The following LINS1 variants were observed in gnomAD, a reference collection of about 807,000 sequenced individuals.
The protein encoded by LINS1 is protein Lines homolog 1.
LINS1 carries 27 observed loss-of-function variants against 41.6 expected under a neutral mutation model. That is an observed-to-expected ratio of 0.65 (90% CI 0.48 to 0.89). LINS1 has a LOEUF of 0.89. Among genes scored for constraint, LINS1 ranks in the 40% least tolerant of loss-of-function variants. LINS1 has a pLI of 0.00. For missense variants in LINS1, 955 were observed against 884.1 expected (o/e 1.08, Z -1.02); for synonymous variants, 336 against 312.9 (o/e 1.07, Z -0.78).
At chr15:100,600,831 T>C (rs141285520) in intron 1 of LINS1, among the ~76,000 whole-genome samples, 1 of 152,140 alleles carries the variant, frequency 6.6e-6, no homozygotes, top group Non-Finnish European at 1.5e-5. Flanking sequence ...AGTGGTTGTA[T>C]CCAGGCCCAC....
Position 100,580,140 on chromosome 15 carries a change from G to A in LINS1, c.489+123C>T. The A allele has an allele frequency of 6.5e-6, 5 of 763,472 alleles. No individual in the cohort carries two copies. In the Admixed American group the frequency reaches 9.3e-5, roughly 14 times the overall value. 47.3% of individuals were successfully genotyped at this position (763,472 alleles called of 1,614,324 possible). On this transcript the variant is annotated intron_variant, in intron 3 of 6. Transcript: ENST00000314742. ...TTTGGGAGGCTGAGGCAGGAGGATT[G>A]CTTGAGCCCAGAAGTTTGAGATCAG...
intron 1 of LINS1, among the ~76,000 whole-genome samples, chr15:100,588,401 A>T (rs2038901563): frequency 1.3e-5 from 2 of 152,352 alleles, no homozygotes; most frequent in Admixed American, 6.5e-5. Context: ...AAGAGTTTTA[A>T]TTAACTGGTT....
Position 100,573,932 on chromosome 15 carries a change from T to A in LINS1, c.941A>T (p.Asp314Val). Reference sequence around the variant, plus strand: ...GGCAGGCACAGATCCACGACAGAGGTCTTCACCCACTTTACAGAGAAGGCA... The same window carrying A: ...GGCAGGCACAGATCCACGACAGAGGACTTCACCCACTTTACAGAGAAGGCA... ...KKCLLCKVGE[D>V]LCRGSVPALM... The change falls in exon 5 of 7, where the codon GAC (aspartate) becomes GTC (valine). Residue 314 changes from aspartate to valine, a missense_variant. By Grantham distance (152) the Asp-to-Val change is radical. Coordinates refer to ENST00000314742, the MANE Select transcript of LINS1 (RefSeq NM_001040616.3). 1 of 1,614,158 alleles carries A rather than the reference T, an allele frequency of 6.2e-7. No individual in the cohort carries two copies. Among genetic ancestry groups the A allele is most frequent in the South Asian group, 1.1e-5 (1 of 91,086 alleles).
intron 1 of LINS1, among the ~76,000 whole-genome samples, chr15:100,585,690 G>A (rs1056256128): frequency 5.3e-5 from 8 of 152,122 alleles, no homozygotes; most frequent in Admixed American, 3.9e-4. Flanking sequence ...ATGTCTAGAC[G>A]TGTTTATTTG....
At position 100,580,369 on chromosome 15, in the gene LINS1, ATAAT is replaced by A; in HGVS notation, c.400-21_400-18del. 6.2e-7 allele frequency: 1 copy of A among 1,607,158 alleles called. No homozygotes were observed. Among genetic ancestry groups the A allele is most frequent in the South Asian group, 1.1e-5 (1 of 90,888 alleles). ...CATGCAGATCTACAGGAAAACAAAT[ATAAT>A]TAACCACTATTGCTGAATGTTCTTA... On this transcript the variant is annotated intron_variant, in intron 2 of 6. Transcript: ENST00000314742.
intron 1 of LINS1, among the ~76,000 whole-genome samples, chr15:100,583,530 T>C (rs139558272): frequency 6.6e-6 from 1 of 152,380 alleles, no homozygotes; most frequent in Non-Finnish European, 1.5e-5. Context: ...TTGGTAATGT[T>C]GTTCTATCTG....
At chr15:100,573,492 GTTC>G (rs1251584750) in intron 5 of LINS1, 156 bp downstream of exon 5, 19 of 765,376 alleles carry the variant, frequency 2.5e-5, no homozygotes, top group Non-Finnish European at 3.3e-5. Flanking sequence ...GGTAAATCCA[GTTC>G]TTTTTTTTTT....
chr15:100,577,698 A>G (rs922085257), intron 3 of LINS1, among the ~76,000 whole-genome samples: 1 of 152,220 alleles, frequency 6.6e-6, no homozygotes, highest in African/African-American at 2.4e-5. Context: ...GGAACCAAAA[A>G]AGAGCCTGCA....
rs768006727 is a variant in LINS1 at position 100,575,129 on chromosome 15, C to T, written c.490-1G>A. On this transcript the variant is annotated splice_acceptor_variant, in intron 3 of 6. Coordinates refer to ENST00000314742, the MANE Select transcript of LINS1 (RefSeq NM_001040616.3). LOFTEE classifies it high-confidence loss of function. The stretch of plus-strand genomic sequence containing the variant: ...CAATCCAGGAATTACTTAAGGTTAT[C>T]TACAAGTGAGAAAATAAAGCAAGCA... The T allele has an allele frequency of 1.2e-6, 2 of 1,609,592 alleles. No individual in the cohort carries two copies. Among genetic ancestry groups the T allele is most frequent in the Non-Finnish European group, 1.7e-6 (2 of 1,178,260 alleles).
Position 100,580,644 on chromosome 15 carries a change from C to T in LINS1, c.199G>A (p.Ala67Thr), listed in dbSNP as rs2038489276. ...GRHQPISVGV[A>T]PIAVAPVCLK... The stretch of plus-strand genomic sequence containing the variant: ...CACACAGGTGCTACAGCAATGGGAG[C>T]CACACCAACAGAGATGGGCTGATGC... Residue 67 changes from alanine (A) to threonine (T), a missense_variant, in exon 2 of 7, where the codon GCT becomes ACT. Physicochemically the swap from Ala to Thr is moderately conservative, Grantham distance 58 (BLOSUM62 0). Transcript: ENST00000314742. 1 of 1,613,816 alleles carries T rather than the reference C, an allele frequency of 6.2e-7. No individual in the cohort carries two copies. Among genetic ancestry groups the T allele is most frequent in the African/African-American group, 1.3e-5 (1 of 74,910 alleles).
At chr15:100,576,514 T>G (rs8037329) in intron 3 of LINS1, 147,253 of 152,284 alleles carry the variant, frequency 0.97, 71,521 homozygotes, top group Non-Finnish European at 1. Flanking sequence ...AATAGGCTCT[T>G]AAATTGAGGC....
At chr15:100,590,601 A>G (rs1213173447) in intron 1 of LINS1, among the ~76,000 whole-genome samples, 1 of 152,262 alleles carries the variant, frequency 6.6e-6, no homozygotes, top group East Asian at 1.9e-4. Context: ...TAAAGGCTAC[A>G]GTTATGTAAC....
rs1052771582 is a variant in LINS1, at chr15:100,576,970, C to T, written c.490-1842G>A. Among the ~76,000 whole-genome samples the T allele has an allele frequency of 5.3e-5, 8 of 152,282 alleles. No individual in the cohort carries two copies. The East Asian group carries it at 1.2e-3, about 22-fold the overall frequency. ...TGCAGAAAAGGCCTTTGACAAAATT[C>T]AACAACCCTTCATGCTAAAAAACTC... is the stretch of plus-strand genomic sequence containing the variant. On this transcript the variant is annotated intron_variant, in intron 3 of 6. Coordinates refer to ENST00000314742, the MANE Select transcript of LINS1 (RefSeq NM_001040616.3).
chr15:100,579,971 T>C (rs990480642), intron 3 of LINS1, among the ~76,000 whole-genome samples: 5 of 152,218 alleles, frequency 3.3e-5, no homozygotes, highest in East Asian at 3.8e-4. Flanking sequence ...TAAATTTTTA[T>C]GGCTTTACAT....
At chr15:100,579,787 TCAA>T (rs1379151184) in intron 3 of LINS1, among the ~76,000 whole-genome samples, 1 of 152,196 alleles carries the variant, frequency 6.6e-6, no homozygotes, top group East Asian at 1.9e-4. Context: ...AGGCTTGTTC[TCAA>T]CTGGTGGTTC....
Position 100,569,973 on chromosome 15 carries a change from C to T in LINS1, c.1539G>A (p.Leu513=). 6.4e-7 allele frequency: 1 copy of T among 1,571,956 alleles called. No individual in the cohort carries two copies. Among genetic ancestry groups the T allele is most frequent in the African/African-American group, 1.4e-5 (1 of 73,174 alleles). The change falls in exon 7 of 7, where the codon TTG becomes TTA. Residue 513 remains leucine, a synonymous_variant. Coordinates refer to ENST00000314742, the MANE Select transcript of LINS1 (RefSeq NM_001040616.3). The part of the protein sequence containing the change: ...GFDSTVLLDF[L]ISSETCFLEY... ...CAAGAAAACAGGTTTCTGATGAAAT[C>T]AAAAAGTCAAGAAGAACTGTGGAAT... is the stretch of plus-strand genomic sequence containing the variant.
intron 5 of LINS1, 172 bp from the exon 6 acceptor site, chr15:100,572,237 C>A: frequency 7.0e-7 from 1 of 1,433,610 alleles, no homozygotes; most frequent in Non-Finnish European, 9.1e-7. Context: ...CAAATGAGGA[C>A]ACTGAGGCTC....
intron 5 of LINS1, chr15:100,573,272 C>T (rs2037947143): frequency 1.6e-6 from 1 of 626,434 alleles, no homozygotes; most frequent in East Asian, 1.0e-4. Context: ...GAAGGGGGGT[C>T]AGGGCTGCAG....
Position 100,574,137 on chromosome 15 carries a change from C to T in LINS1, c.736G>A (p.Val246Ile). Reference sequence around the variant, plus strand: ...TCCAGGAAACACATCAGGATGTTTACTATTTTAGAAGTATCCCGGCAGTTT... The same window carrying T: ...TCCAGGAAACACATCAGGATGTTTATTATTTTAGAAGTATCCCGGCAGTTT... ...FENCRDTSKI[V>I]NILMCFLDLL... is the part of the protein sequence containing the mutation. Residue 246 changes from valine to isoleucine, a missense_variant, in exon 5 of 7, where the codon GTA (valine) becomes ATA (isoleucine). Val to Ile is a conservative substitution (Grantham distance 29). Coordinates refer to ENST00000314742, the MANE Select transcript of LINS1 (RefSeq NM_001040616.3). The T allele has an allele frequency of 6.2e-7, 1 of 1,613,928 alleles. No homozygotes were observed.
Sources: allele counts gnomAD v4.1 joint callset (sites outside exome capture counted in the v4.1 genomes callset), GRCh38; gene constraint gnomAD v4.1.1; transcripts MANE v1.5; gene names NCBI Gene and HGNC (gene_info 2026-07-23, HGNC 2026-07-21).